CELF2: variants seen among roughly 807,000 people sequenced by gnomAD.
CELF2 encodes the protein CUGBP Elav-like family member 2.
CELF2 carries 8 observed loss-of-function variants against 62.6 expected under a neutral mutation model. The ratio of observed to expected loss-of-function variants is 0.13; its 90% CI spans 0.07 to 0.23. CELF2 has a LOEUF of 0.23. CELF2 is among the 10% of genes least tolerant of loss of function. The pLI is 1.00. For synonymous variants in CELF2, 258 were observed against 250.0 expected (o/e 1.03, Z -0.30); for missense variants, 333 against 671.0 (o/e 0.50, Z 5.56).
the CELF2 span, among the ~76,000 whole-genome samples, chr10:10,492,470 T>TAC: frequency 3.0e-4 from 45 of 152,038 alleles, no homozygotes; most frequent in African/African-American, 1.0e-3. Flanking sequence ...TAAATATATA[T>TAC]ATATGCAAGC....
intron 1 of CELF2, among the ~76,000 whole-genome samples, chr10:10,849,903 G>C (rs2132750839): frequency 6.6e-6 from 1 of 152,168 alleles, no homozygotes; most frequent in South Asian, 2.1e-4. Context: ...AGGACTTTGG[G>C]AGGCCGAGGC....
At chr10:11,320,921 A>G in intron 10 of CELF2, 4 of 1,548,188 alleles carry the variant, frequency 2.6e-6, no homozygotes, top group African/African-American at 1.4e-5. Flanking sequence ...AGCACGCTGC[A>G]TGGCATTGAG....
At chr10:10,502,871 A>G in the CELF2 span, among the ~76,000 whole-genome samples, 2 of 151,946 alleles carry the variant, frequency 1.3e-5, no homozygotes. Context: ...TGATGCATTT[A>G]GTGCTTTCAG....
rs149849434 is a variant in CELF2 at position 11,326,458 on chromosome 10, C to T, written c.1438+479C>T. 5.9e-5 allele frequency among the ~76,000 whole-genome samples: 9 copies of T among 152,328 alleles called. No homozygotes were observed. The South Asian group carries it at 6.2e-4, about 11-fold the overall frequency. ...TGACAGATCTCACGGTTACATAGCACGCTGCATGATGAGATCTGAAGGGCC... is the reference window on the plus strand; with the variant it reads ...TGACAGATCTCACGGTTACATAGCATGCTGCATGATGAGATCTGAAGGGCC... On this transcript the variant is annotated intron_variant, in intron 12 of 12. Transcript: ENST00000633077.
At chr10:11,206,042 C>T (rs1200722824) in intron 2 of CELF2, among the ~76,000 whole-genome samples, 4 of 152,192 alleles carry the variant, frequency 2.6e-5, no homozygotes, top group African/African-American at 9.7e-5. Flanking sequence ...AACCTTTGTT[C>T]TGCTTTGGAT....
intron 2 of CELF2, among the ~76,000 whole-genome samples, chr10:10,965,019 C>T (rs2049970649): frequency 6.6e-6 from 1 of 152,110 alleles, no homozygotes; most frequent in Non-Finnish European, 1.5e-5. Context: ...GATGATAAAA[C>T]AGCATATTTA....
chr10:10,625,200 T>C, the CELF2 span, among the ~76,000 whole-genome samples: 2 of 150,608 alleles, frequency 1.3e-5, no homozygotes, highest in African/African-American at 4.8e-5. Context: ...ATGGTATTGA[T>C]AGAAAAGACA....
At chr10:11,299,843 A>G (rs1252313030) in intron 9 of CELF2, among the ~76,000 whole-genome samples, 4 of 151,728 alleles carry the variant, frequency 2.6e-5, no homozygotes, top group African/African-American at 9.7e-5. Flanking sequence ...TCTCCGGGCC[A>G]TCTGTAAAAA....
intron 3 of CELF2, among the ~76,000 whole-genome samples, chr10:11,240,144 C>T (rs1163104526): frequency 6.6e-6 from 1 of 152,186 alleles, no homozygotes; most frequent in Non-Finnish European, 1.5e-5. Flanking sequence ...AGGTAAATGC[C>T]ATATATTCTG....
intron 1 of CELF2, among the ~76,000 whole-genome samples, chr10:10,803,280 C>T (rs1015215555): frequency 1.2e-4 from 18 of 152,328 alleles, no homozygotes; most frequent in South Asian, 2.1e-4. Flanking sequence ...AGAGTCAAAG[C>T]CAGTATCCTT....
intron 1 of CELF2, among the ~76,000 whole-genome samples, chr10:11,055,454 A>T (rs1407748233): frequency 2.0e-5 from 3 of 152,230 alleles, no homozygotes; most frequent in Non-Finnish European, 2.9e-5. Context: ...TTTTCCTGGG[A>T]ATAGTTTTAA....
At chr10:10,477,377 G>A in the CELF2 span, among the ~76,000 whole-genome samples, 117 of 152,236 alleles carry the variant, frequency 7.7e-4, no homozygotes, top group African/African-American at 2.7e-3. Flanking sequence ...GAGAGTTTTT[G>A]CATGACAGCA....
chr10:11,150,004 G>T (rs975011256), intron 1 of CELF2, among the ~76,000 whole-genome samples: 5 of 152,218 alleles, frequency 3.3e-5, no homozygotes, highest in African/African-American at 1.2e-4. Flanking sequence ...GATACCATAT[G>T]ACCCTGGGAG....
rs2047765002 is a variant in CELF2, at chr10:10,947,055, A to T, written c.89+27056A>T. 2 of 152,368 alleles carry T rather than the reference A, an allele frequency of 1.3e-5. No individual in the cohort carries two copies. Among genetic ancestry groups the T allele is most frequent in the Middle Eastern group, 3.4e-3 (1 of 294 alleles). The allele number at this position is 152,368 out of a possible 1,614,324, so 9.4% of individuals were successfully genotyped here. The stretch of plus-strand genomic sequence containing the variant: ...GCTGGAGCAGACAGTGGTGTTTTCC[A>T]TTGCATAGGCATCTTTAGAATGTGC... On this transcript the variant is annotated intron_variant, in intron 2 of 13. Coordinates refer to the CELF2 transcript ENST00000636488. The surrounding 1 kb of genome is among the most constrained non-coding windows in gnomAD (Gnocchi z 4.1).
intron 1 of CELF2, among the ~76,000 whole-genome samples, chr10:10,863,851 G>A (rs529684743): frequency 3.9e-5 from 6 of 152,238 alleles, no homozygotes; most frequent in African/African-American, 1.4e-4. Context: ...GTTTAACTAG[G>A]ACTTTCCAGC....
the CELF2 span, among the ~76,000 whole-genome samples, chr10:10,588,866 C>A: frequency 6.6e-6 from 1 of 152,168 alleles, no homozygotes; most frequent in African/African-American, 2.4e-5. Context: ...CAGAGTACCA[C>A]CCACTTATGT....
At chr10:10,702,735 T>C in the CELF2 span, among the ~76,000 whole-genome samples, 34,870 of 151,964 alleles carry the variant, frequency 0.23, 4,240 homozygotes, top group South Asian at 0.44. Flanking sequence ...CAGGTGCCTG[T>C]CACTAGGCCC....
chr10:10,801,730 A>G (rs1262183716), intron 1 of CELF2, among the ~76,000 whole-genome samples: 2 of 152,220 alleles, frequency 1.3e-5, no homozygotes, highest in Admixed American at 6.5e-5. Context: ...GAAGATCCTC[A>G]TGTGTTTGGT....
the CELF2 span, among the ~76,000 whole-genome samples, chr10:10,698,803 G>C: frequency 6.6e-6 from 1 of 152,142 alleles, no homozygotes; most frequent in Non-Finnish European, 1.5e-5. Context: ...AAAAGGAAGG[G>C]TGTCTAGAGG....
Sources: allele counts gnomAD v4.1 joint callset (sites outside exome capture counted in the v4.1 genomes callset), GRCh38; gene constraint gnomAD v4.1.1; non-coding constraint Gnocchi (gnomAD v3.1); transcripts MANE v1.5; gene names NCBI Gene and HGNC (gene_info 2026-07-23, HGNC 2026-07-21).